Variants in COL16A1 observed in about 807,000 individuals in gnomAD.
COL16A1 encodes the protein collagen alpha-1(XVI) chain.
Under a neutral mutation model 266.3 loss-of-function variants are expected in COL16A1, and 189 were observed. The observed-to-expected ratio is 0.71, with a 90% CI of 0.63 to 0.80. The LOEUF (loss-of-function observed/expected upper bound fraction) is 0.80, where lower values mean the gene tolerates loss of function less well. Among genes scored for constraint, COL16A1 ranks in the 30% least tolerant of loss-of-function variants. The pLI is 0.00. For synonymous variants in COL16A1, 740 were observed against 782.3 expected (o/e 0.95, Z 0.90); for missense variants, 1,928 against 2,122.4 (o/e 0.91, Z 1.80).
In COL16A1 at chr1:31,697,911, C is replaced by T. The variant is rs773564958; in HGVS notation, c.652G>A (p.Val218Ile). ...GGGCCTGACCTAGCACTCACCGAGA[C>T]AGGCTTGCCCTGCTCAGCATCCAAG... ...LGLDAEQGKP[V>I]SFDLQQVHIY... The change falls in exon 6 of 71, where the codon GTC (valine) becomes ATC (isoleucine). Residue 218 changes from valine (V) to isoleucine (I), a missense_variant. Around this residue, in one of 2 missense-constraint regions of COL16A1, gnomAD observed 1,552 missense variants for 1,637.2 expected, o/e 0.95. Coordinates refer to ENST00000373672, the MANE Select transcript of COL16A1 (RefSeq NM_001856.4). This position sits in a 1 kb window ranked among gnomAD's most constrained non-coding sequence, Gnocchi z 4.2. 3 of 1,609,520 alleles carry T rather than the reference C, an allele frequency of 1.9e-6. No individual in the cohort carries two copies. Among genetic ancestry groups the T allele is most frequent in the Non-Finnish European group, 2.5e-6 (3 of 1,177,766 alleles).
In COL16A1 at chr1:31,685,540, A is replaced by ACAGCCC; in HGVS notation, c.2016+98_2016+99insGGGCTG. The ACAGCCC allele has an allele frequency of 7.0e-7, 1 of 1,427,402 alleles. No individual in the cohort carries two copies. Among genetic ancestry groups the ACAGCCC allele is most frequent in the Non-Finnish European group, 9.5e-7 (1 of 1,051,018 alleles). The allele number at this position is 1,427,402 out of a possible 1,614,324, so 88.4% of individuals were successfully genotyped here. A position where few individuals can be genotyped will look rare whatever the true frequency, so the allele number is the denominator to read the frequency against. On this transcript the variant is annotated intron_variant, in intron 29 of 70. Transcript: ENST00000373672. The surrounding 1 kb of genome is among the most constrained non-coding windows in gnomAD (Gnocchi z 4.0). The stretch of plus-strand genomic sequence containing the variant: ...CGCCACACCCTCCCCACTACCCCCA[A>ACAGCCC]CTGCCCAGGGAGTCAAGAGACCCAG...
Position 31,695,773 on chromosome 1 carries a change from T to C in COL16A1, c.933A>G (p.Thr311=). The change falls in exon 10 of 71, where the codon ACA becomes ACG. Residue 311 remains threonine (T), a synonymous_variant. Transcript: ENST00000373672. Reference sequence around the variant, plus strand: ...CTGGGAGGCTTACCTCATCGGCTGCTGTCTCCTGATGGACCTGAGGAAAGG... The same window carrying C: ...CTGGGAGGCTTACCTCATCGGCTGCCGTCTCCTGATGGACCTGAGGAAAGG... ...AERGAKVHQE[T]AADECPPCVH... 2 of 1,613,314 alleles carry C rather than the reference T, an allele frequency of 1.2e-6. No homozygotes were observed. Among genetic ancestry groups the C allele is most frequent in the South Asian group, 2.2e-5 (2 of 91,062 alleles).
At chr1:31,691,108 G>T in intron 20 of COL16A1, 80 bp downstream of exon 20, 1 of 1,554,858 alleles carries the variant, frequency 6.4e-7, no homozygotes, top group Non-Finnish European at 8.7e-7. Context: ...CTTCCCCTGT[G>T]GGAAGCTGCC....
Position 31,702,235 on chromosome 1 carries a change from C to T in COL16A1, c.-34-8G>A. The T allele has an allele frequency of 1.2e-6, 2 of 1,613,536 alleles. No homozygotes were observed. The highest frequency in any genetic ancestry group is 1.7e-6 in the Non-Finnish European group (2 of 1,179,612). On this transcript the variant is annotated splice_polypyrimidine_tract_variant and splice_region_variant and intron_variant, in intron 1 of 70. Transcript: ENST00000373672. ...CAGCTACAGCCACAGCACCTGAAAACCACAGAGACCGGGAAGGCGGATTTC... is the reference window on the plus strand; with the variant it reads ...CAGCTACAGCCACAGCACCTGAAAATCACAGAGACCGGGAAGGCGGATTTC...
At chr1:31,665,741 A>T in intron 54 of COL16A1, 123 bp from the exon 55 acceptor site, 1 of 1,593,242 alleles carries the variant, frequency 6.3e-7, no homozygotes, top group Admixed American at 1.7e-5. Context: ...CCCTCTGCCC[A>T]CCATGGCTGG....
chr1:31,679,496 G>A (rs1313470816), intron 42 of COL16A1, 136 bp downstream of exon 42: 2 of 1,613,826 alleles, frequency 1.2e-6, no homozygotes, highest in Admixed American at 1.7e-5. Context: ...TGGGAGGCAG[G>A]TAAACAGAGG....
rs1644584564 is a variant in COL16A1, at chr1:31,698,260, A to G, written c.391-88T>C. 2 of 1,566,452 alleles carry G rather than the reference A, an allele frequency of 1.3e-6. No individual in the cohort carries two copies. Among genetic ancestry groups the G allele is most frequent in the Non-Finnish European group, 8.6e-7 (1 of 1,157,712 alleles). ...CGTTCAGGGACCTTGAACTCATTTC[A>G]CAGGAGGGGAACTGAGGCCCAGAAA... On this transcript the variant is annotated intron_variant, in intron 5 of 70. Coordinates refer to ENST00000373672, the MANE Select transcript of COL16A1 (RefSeq NM_001856.4). This position sits in a 1 kb window ranked among gnomAD's most constrained non-coding sequence, Gnocchi z 4.1.
chr1:31,655,272 C>T (rs1641025749), intron 67 of COL16A1, 42 bp downstream of exon 67: 2 of 1,582,450 alleles, frequency 1.3e-6, no homozygotes, highest in Admixed American at 3.6e-5. Flanking sequence ...CACATGCCTG[C>T]TCTATGGGAC....
intron 11 of COL16A1, 94 bp downstream of exon 11, chr1:31,695,092 C>T (rs1644436606): frequency 7.5e-7 from 1 of 1,341,480 alleles, no homozygotes; most frequent in Non-Finnish European, 1.1e-6. Flanking sequence ...CAAAGACCCC[C>T]TTGTCCTCAC....
At chr1:31,677,088 T>C (rs912001602) in intron 42 of COL16A1, among the ~76,000 whole-genome samples, 6 of 152,156 alleles carry the variant, frequency 3.9e-5, no homozygotes, top group Non-Finnish European at 1.5e-5. Flanking sequence ...TTTTATTTAT[T>C]ATTATTATTA....
At position 31,698,396 on chromosome 1, in the gene COL16A1, C is replaced by G. The variant is rs1324199252; in HGVS notation, c.390+87G>C. On this transcript the variant is annotated intron_variant, in intron 5 of 70. Coordinates refer to ENST00000373672, the MANE Select transcript of COL16A1 (RefSeq NM_001856.4). The surrounding 1 kb of genome is among the most constrained non-coding windows in gnomAD (Gnocchi z 4.1). ...AGGCACAGGATGGAGCAGGGAGACCCCAGAAGTCACAAGCCGGGATGAAAG... is the reference window on the plus strand; with the variant it reads ...AGGCACAGGATGGAGCAGGGAGACCGCAGAAGTCACAAGCCGGGATGAAAG... 2.5e-6 allele frequency: 4 copies of G among 1,583,428 alleles called. No homozygotes were observed. The highest frequency in any genetic ancestry group is 4.5e-5 in the East Asian group (2 of 44,742).
rs367676496 is a variant in COL16A1, at chr1:31,653,643, A to G, written c.4568T>C (p.Ile1523Thr). ...LPGTKGEKGD[I>T]GIGIAGENGL... ...ATTTTCTCCTGCAATGCCAATACCA[A>G]TGTCCCCTTTTTCACCTTTGGTACC... Residue 1523 changes from isoleucine (I) to threonine (T), a missense_variant, in exon 70 of 71, where the codon ATT becomes ACT. By Grantham distance (89) the Ile-to-Thr change is moderately conservative. Transcript: ENST00000373672. 15 of 1,613,824 alleles carry G rather than the reference A, an allele frequency of 9.3e-6. No individual in the cohort carries two copies. Among genetic ancestry groups the G allele is most frequent in the Non-Finnish European group, 1.3e-5 (15 of 1,179,924 alleles).
In COL16A1 at chr1:31,697,959, G is replaced by T. The variant is rs1295159816; in HGVS notation, c.604C>A (p.Pro202Thr). The T allele has an allele frequency of 1.1e-5, 18 of 1,613,200 alleles. No individual in the cohort carries two copies. The Admixed American group carries it at 3.0e-4, about 27-fold the overall frequency. ...AAGCCTAGAAATACATGGCCCACAG[G>T]CCTCATGGGTCGTCGGGGCCCCAGA... ...QPLGPRRPMR[P>T]VGHVFLGLDA... The change falls in exon 6 of 71, where the codon CCT becomes ACT. Residue 202 changes from proline to threonine, a missense_variant. Transcript: ENST00000373672. This position sits in a 1 kb window ranked among gnomAD's most constrained non-coding sequence, Gnocchi z 4.2.
rs746299734 is a variant in COL16A1, at chr1:31,698,081, G to C, written c.482C>G (p.Pro161Arg). The change falls in exon 6 of 71, where the codon CCC becomes CGC. Residue 161 changes from proline (P) to arginine (R), a missense_variant. By Grantham distance (103) the Pro-to-Arg change is moderately radical (BLOSUM62 -2). Coordinates refer to ENST00000373672, the MANE Select transcript of COL16A1 (RefSeq NM_001856.4). The surrounding 1 kb of genome is among the most constrained non-coding windows in gnomAD (Gnocchi z 4.1). ...GTGCCAACGCAAGTCGAAGAGCTGGGGCACTGGGAAGATGCAGGACACAAA... is the reference window on the plus strand; with the variant it reads ...GTGCCAACGCAAGTCGAAGAGCTGGCGCACTGGGAAGATGCAGGACACAAA... ...GDFVSCIFPV[P>R]QLFDLRWHKL... 6.2e-7 allele frequency: 1 copy of C among 1,613,996 alleles called. No homozygotes were observed. The highest frequency in any genetic ancestry group is 1.7e-5 in the Admixed American group (1 of 60,038).
At chr1:31,675,153 G>A in intron 43 of COL16A1, 105 bp downstream of exon 43, 2 of 1,610,254 alleles carry the variant, frequency 1.2e-6, no homozygotes, top group Non-Finnish European at 1.7e-6. Flanking sequence ...AGAAGTGGGA[G>A]AGAAGAGGGA....
chr1:31,689,064 T>C lies in COL16A1; in HGVS notation c.1642A>G (p.Ile548Val). 2.5e-6 allele frequency: 4 copies of C among 1,613,876 alleles called. No individual in the cohort carries two copies. The South Asian group carries it at 4.4e-5, about 18-fold the overall frequency. Residue 548 changes from isoleucine to valine, a missense_variant, in exon 24 of 71, where the codon ATC (isoleucine) becomes GTC (valine). Transcript: ENST00000373672. ...PARGDPGIQG[I>V]KGEKGEPCLS... is the part of the protein sequence containing the mutation. ...GGTTCCCTCACCTTCTCTCCTTTGA[T>C]GCCTTGGATGCCAGGGTCTCCCTGC... is the stretch of plus-strand genomic sequence containing the variant.
chr1:31,696,190 G>A (rs770457885), intron 8 of COL16A1, 49 bp from the exon 9 acceptor site: 2 of 1,579,788 alleles, frequency 1.3e-6, no homozygotes, highest in Admixed American at 1.7e-5. Flanking sequence ...GAAGTTCTGG[G>A]GTCCAGGCTG....
intron 27 of COL16A1, 23 bp downstream of exon 27, chr1:31,686,221 G>A (rs1036805717): frequency 6.2e-7 from 1 of 1,614,178 alleles, no homozygotes; most frequent in African/African-American, 1.3e-5. Flanking sequence ...CTCCCAAGCT[G>A]TTGCCATCCA....
Position 31,694,171 on chromosome 1 carries a change from C to G in COL16A1, c.982-1G>C. On this transcript the variant is annotated splice_acceptor_variant, in intron 11 of 70. Coordinates refer to ENST00000373672, the MANE Select transcript of COL16A1 (RefSeq NM_001856.4). LOFTEE classifies it high-confidence loss of function. ...TGGGGCCAGAGGGAGCAAGTGTGAC[C>G]TGAGGGGACAGAGGAGAGGGCATCA... The G allele has an allele frequency of 6.3e-7, 1 of 1,592,112 alleles. No individual in the cohort carries two copies. Among genetic ancestry groups the G allele is most frequent in the Non-Finnish European group, 8.6e-7 (1 of 1,166,170 alleles).
Sources: gnomAD v4.1 joint callset for allele counts (sites outside exome capture counted in the v4.1 genomes callset) on GRCh38, gnomAD v4.1.1 for gene constraint, gnomAD v4.1.1 regional missense constraint, Gnocchi (gnomAD v3.1) non-coding constraint, MANE v1.5 for transcripts, NCBI Gene and HGNC (gene_info 2026-07-23, HGNC 2026-07-21) for gene names.